The following TNRC6A variants were observed in gnomAD, a reference collection of about 807,000 sequenced individuals.
TNRC6A encodes trinucleotide repeat containing adaptor 6A.
TNRC6A carries 44 observed loss-of-function variants against 221.2 expected under a neutral mutation model. That is an observed-to-expected ratio of 0.20 (90% CI 0.16 to 0.26). TNRC6A has a LOEUF of 0.26. TNRC6A is among the 10% of genes least tolerant of loss of function. The probability of loss-of-function intolerance (pLI) is 1.00; values close to 1 mark genes in which losing one functional copy is unlikely to be tolerated. For synonymous variants in TNRC6A, 847 were observed against 838.5 expected (o/e 1.01, Z -0.18); for missense variants, 2,199 against 2,404.4 (o/e 0.91, Z 1.79).
chr16:24,725,858 G>A (rs1020454865), upstream of TNRC6A, among the ~76,000 whole-genome samples: 1 of 152,046 alleles, frequency 6.6e-6, no homozygotes, highest in Admixed American at 6.6e-5. Context: ...AAATTAGCCA[G>A]GTGTAGTGGC....
chr16:24,626,625 A>G (rs945476435), intron 1 of TNRC6A, among the ~76,000 whole-genome samples: 28 of 150,584 alleles, frequency 1.9e-4, no homozygotes, highest in African/African-American at 6.1e-4. Context: ...CATATGTTTT[A>G]CCAAGTTTTT....
At chr16:24,708,341 C>T (rs751571594) in intron 2 of TNRC6A, among the ~76,000 whole-genome samples, 3 of 151,470 alleles carry the variant, frequency 2.0e-5, no homozygotes, top group Non-Finnish European at 4.4e-5. Flanking sequence ...CCCAGGTTCA[C>T]GCCATTCTCA....
intron 5 of TNRC6A, 135 bp from the exon 6 acceptor site, chr16:24,789,097 T>C: frequency 1.2e-6 from 1 of 867,488 alleles, no homozygotes; most frequent in Non-Finnish European, 1.7e-6. Flanking sequence ...TTGTCACCAT[T>C]CTGCCAAGGA....
At chr16:24,695,807 T>C (rs2055846721) in intron 2 of TNRC6A, among the ~76,000 whole-genome samples, 2 of 152,160 alleles carry the variant, frequency 1.3e-5, no homozygotes, top group South Asian at 4.1e-4. Context: ...TTTTCAGCCC[T>C]GGTGGTTAAT....
chr16:24,620,579 G>A (rs1269201651), intron 1 of TNRC6A, among the ~76,000 whole-genome samples: 4 of 152,246 alleles, frequency 2.6e-5, no homozygotes, highest in Admixed American at 6.5e-5. Flanking sequence ...AGGCCGACGC[G>A]GGCAGATTAC....
intron 1 of TNRC6A, among the ~76,000 whole-genome samples, chr16:24,640,695 C>T (rs1901902395): frequency 6.8e-6 from 1 of 147,924 alleles, no homozygotes; most frequent in Non-Finnish European, 1.5e-5. Context: ...AGCCACTGCA[C>T]TCTGGCCTGG....
intron 2 of TNRC6A, among the ~76,000 whole-genome samples, chr16:24,716,961 A>T (rs2056324968): frequency 2.1e-5 from 3 of 142,104 alleles, no homozygotes; most frequent in African/African-American, 8.3e-5. Flanking sequence ...ATCTCAAAAA[A>T]AAAAAAAGAA....
At chr16:24,810,705 T>C (rs1215801249) in intron 18 of TNRC6A, among the ~76,000 whole-genome samples, 1 of 151,822 alleles carries the variant, frequency 6.6e-6, no homozygotes, top group African/African-American at 2.4e-5. Context: ...AGAAAAGAGG[T>C]AGATGAAGAT....
At chr16:24,614,259 C>T (rs570321840) in intron 1 of TNRC6A, among the ~76,000 whole-genome samples, 3 of 152,236 alleles carry the variant, frequency 2.0e-5, no homozygotes, top group South Asian at 4.1e-4. Flanking sequence ...CAAGCATTTG[C>T]TTGCATCGTG....
At chr16:24,625,693 T>G (rs1900934048) in intron 1 of TNRC6A, among the ~76,000 whole-genome samples, 1 of 133,310 alleles carries the variant, frequency 7.5e-6, no homozygotes. Flanking sequence ...GCCACTGCAG[T>G]CCGCAGTCCG....
rs2058800907 is a variant in TNRC6A at position 24,823,134 on chromosome 16, C to T, written c.5513+121C>T. 2.2e-6 allele frequency: 3 copies of T among 1,362,822 alleles called. No homozygotes were observed. In the East Asian group the frequency reaches 6.9e-5, roughly 31 times the overall value. The allele number at this position is 1,362,822 out of a possible 1,614,324, so 84.4% of individuals were successfully genotyped here. ...TGGCTCCTGCTGGCTGCAGTAGTGC[C>T]CTGATTCCAAGGTCGGCATTCCTAA... On this transcript the variant is annotated intron_variant, in intron 24 of 24. Coordinates refer to ENST00000395799, the MANE Select transcript of TNRC6A (RefSeq NM_014494.4). This position sits in a 1 kb window ranked among gnomAD's most constrained non-coding sequence, Gnocchi z 4.3.
chr16:24,626,623 T>C (rs914006355), intron 1 of TNRC6A, among the ~76,000 whole-genome samples: 1 of 151,722 alleles, frequency 6.6e-6, no homozygotes, highest in Non-Finnish European at 1.5e-5. Context: ...AGCATATGTT[T>C]TACCAAGTTT....
chr16:24,736,893 T>C (rs929911823), intron 2 of TNRC6A, among the ~76,000 whole-genome samples: 3 of 152,230 alleles, frequency 2.0e-5, no homozygotes, highest in East Asian at 3.8e-4. Context: ...ACTGCTTTTA[T>C]GAAGATTTAT....
In TNRC6A at chr16:24,791,210, C is replaced by G; in HGVS notation, c.2568C>G (p.Asn856Lys). 1 of 1,614,106 alleles carries G rather than the reference C, an allele frequency of 6.2e-7. No individual in the cohort carries two copies. Among genetic ancestry groups the G allele is most frequent in the Non-Finnish European group, 8.5e-7 (1 of 1,180,010 alleles). ...SQGWSVSASD[N>K]WGETSRNNHW... ...GGTGGTCTGTTTCTGCCAGTGATAA[C>G]TGGGGAGAAACTTCAAGGAATAACC... The change falls in exon 6 of 25, where the codon AAC becomes AAG. Residue 856 changes from asparagine (N) to lysine (K), a missense_variant. Coordinates refer to ENST00000395799, the MANE Select transcript of TNRC6A (RefSeq NM_014494.4).
At chr16:24,689,448 ACAT>A (rs1407837105) in intron 2 of TNRC6A, among the ~76,000 whole-genome samples, 2 of 152,228 alleles carry the variant, frequency 1.3e-5, no homozygotes, top group Non-Finnish European at 2.9e-5. Flanking sequence ...TGAAATCCGC[ACAT>A]TGATGAGAAT....
chr16:24,738,320 T>C lies in TNRC6A; in HGVS notation c.53+8020T>C, dbSNP rs367949843. On this transcript the variant is annotated intron_variant, in intron 2 of 24. Transcript: ENST00000395799. ...ATTCCCATATGATAAAATTCACCCT[T>C]TTAAAGTCCACAAAGTGTATGATTT... 7.9e-5 allele frequency among the ~76,000 whole-genome samples: 12 copies of C among 152,314 alleles called. No homozygotes were observed. In the East Asian group the frequency reaches 1.9e-3, roughly 24 times the overall value.
intron 2 of TNRC6A, among the ~76,000 whole-genome samples, chr16:24,650,265 T>C (rs780867795): frequency 6.6e-6 from 1 of 152,246 alleles, no homozygotes; most frequent in East Asian, 1.9e-4. Flanking sequence ...TAAAATATTA[T>C]GTATTTTTCT....
intron 3 of TNRC6A, among the ~76,000 whole-genome samples, chr16:24,755,959 G>A (rs956645276): frequency 1.1e-4 from 16 of 152,010 alleles, no homozygotes; most frequent in African/African-American, 3.9e-4. Flanking sequence ...TTTATTATTT[G>A]ACCCTCATAA....
At chr16:24,700,229 T>G (rs2055942594) in intron 2 of TNRC6A, among the ~76,000 whole-genome samples, 1 of 151,856 alleles carries the variant, frequency 6.6e-6, no homozygotes, top group Non-Finnish European at 1.5e-5. Context: ...TGAGACCCTG[T>G]GTCTGAATTT....
Sources: gnomAD v4.1 joint callset for allele counts (sites outside exome capture counted in the v4.1 genomes callset) on GRCh38, gnomAD v4.1.1 for gene constraint, Gnocchi (gnomAD v3.1) non-coding constraint, MANE v1.5 for transcripts, NCBI Gene and HGNC (gene_info 2026-07-23, HGNC 2026-07-21) for gene names.